Variants in RGSL1 observed in about 807,000 individuals in gnomAD.
The protein encoded by RGSL1 is regulator of G protein signaling protein-like.
A neutral mutation model predicts 124.7 loss-of-function variants in RGSL1; 97 were observed. The ratio of observed to expected loss-of-function variants is 0.78; its 90% CI spans 0.66 to 0.92. The LOEUF (loss-of-function observed/expected upper bound fraction) is 0.92, where lower values mean the gene tolerates loss of function less well. Among genes scored for constraint, RGSL1 ranks in the 40% least tolerant of loss-of-function variants. The pLI is 0.00. For missense variants in RGSL1, 1,233 were observed against 1,288.4 expected (o/e 0.96, Z 0.66); for synonymous variants, 424 against 438.1 (o/e 0.97, Z 0.40).
At chr1:182,496,314 G>A (rs1024479969) in intron 9 of RGSL1, among the ~76,000 whole-genome samples, 4 of 152,040 alleles carry the variant, frequency 2.6e-5, no homozygotes, top group African/African-American at 9.7e-5. Flanking sequence ...CTCCCACCAG[G>A]CCCCACCTCC....
intron 15 of RGSL1, among the ~76,000 whole-genome samples, chr1:182,541,183 G>A (rs771867319): frequency 2.6e-5 from 4 of 152,020 alleles, no homozygotes; most frequent in Non-Finnish European, 4.4e-5. Context: ...TGCACACTAG[G>A]TCTTACTTCT....
intron 12 of RGSL1, among the ~76,000 whole-genome samples, 196 bp downstream of exon 12, chr1:182,530,557 A>T (rs1287658572): frequency 1.3e-5 from 2 of 151,862 alleles, no homozygotes; most frequent in African/African-American, 4.8e-5. Context: ...ACACACACAC[A>T]CACACACATT....
chr1:182,489,158 G>C lies in RGSL1; in HGVS notation c.1673G>C (p.Gly558Ala), dbSNP rs1486105570. ...RKIATEDLKQ[G>A]GSLQVELTSP... ...ATAGCTACTGAGGACCTGAAGCAAG[G>C]AGGCTCTCTCCAGGTAGAGCTGACA... The change falls in exon 8 of 22, where the codon GGA becomes GCA. Residue 558 changes from glycine to alanine, a missense_variant. Gly to Ala is a moderately conservative substitution (Grantham distance 60, BLOSUM62 0). Transcript: ENST00000294854. 1.9e-6 allele frequency: 3 copies of C among 1,551,742 alleles called. No homozygotes were observed. The East Asian group carries it at 7.3e-5, about 38-fold the overall frequency.
At chr1:182,481,345 C>A (rs1379259873) in intron 6 of RGSL1, among the ~76,000 whole-genome samples, 1 of 152,018 alleles carries the variant, frequency 6.6e-6, no homozygotes, top group African/African-American at 2.4e-5. Flanking sequence ...GGACAACCTA[C>A]AAGAAATAAA....
intron 21 of RGSL1, among the ~76,000 whole-genome samples, chr1:182,559,712 T>G (rs772763557): frequency 2.0e-5 from 3 of 152,180 alleles, no homozygotes; most frequent in Non-Finnish European, 4.4e-5. Context: ...GTTTATCTTT[T>G]TCCTCTCTCT....
intron 9 of RGSL1, among the ~76,000 whole-genome samples, chr1:182,497,163 T>C (rs937061510): frequency 1.1e-4 from 17 of 151,920 alleles, no homozygotes; most frequent in Admixed American, 2.6e-4. Context: ...ATATATGCTG[T>C]CCATCCTACA....
At chr1:182,546,253 GTGTC>G (rs1275301849) in intron 15 of RGSL1, among the ~76,000 whole-genome samples, 7 of 152,078 alleles carry the variant, frequency 4.6e-5, no homozygotes, top group Non-Finnish European at 1.0e-4. Flanking sequence ...GGAACCTAAA[GTGTC>G]TGTCTACTGA....
chr1:182,519,584 A>G (rs1658173868), intron 9 of RGSL1, among the ~76,000 whole-genome samples: 1 of 152,012 alleles, frequency 6.6e-6, no homozygotes, highest in Non-Finnish European at 1.5e-5. Context: ...TGCTACTTGT[A>G]GCTTCAGAAC....
intron 4 of RGSL1, chr1:182,460,739 T>C (rs950218269): frequency 2.2e-6 from 1 of 455,830 alleles, no homozygotes; most frequent in Non-Finnish European, 4.4e-6. Context: ...ACAATTGTAC[T>C]GGCAGAATCT....
intron 9 of RGSL1, among the ~76,000 whole-genome samples, chr1:182,494,362 A>G (rs981058330): frequency 6.6e-6 from 1 of 152,216 alleles, no homozygotes; most frequent in African/African-American, 2.4e-5. Context: ...CCAGGAACTA[A>G]GATCTCTAGA....
intron 2 of RGSL1, among the ~76,000 whole-genome samples, chr1:182,458,057 G>A (rs182463653): frequency 5.0e-4 from 76 of 152,330 alleles, no homozygotes; most frequent in African/African-American, 1.8e-3. Context: ...CTCTCAGGTC[G>A]GCTCAGGCTC....
At chr1:182,548,624 G>C (rs1266862326) in intron 16 of RGSL1, 76 bp from the exon 17 acceptor site, 7 of 1,532,124 alleles carry the variant, frequency 4.6e-6, no homozygotes, top group Middle Eastern at 1.7e-4. Context: ...GTGGTCATGG[G>C]GTTCTGGGGG....
intron 6 of RGSL1, among the ~76,000 whole-genome samples, chr1:182,483,498 C>A (rs987993414): frequency 8.6e-5 from 13 of 151,758 alleles, no homozygotes; most frequent in African/African-American, 1.2e-4. Flanking sequence ...ATGTAAAATT[C>A]TCATAATGTA....
At chr1:182,529,704 C>T (rs1436276646) in intron 11 of RGSL1, among the ~76,000 whole-genome samples, 3 of 152,010 alleles carry the variant, frequency 2.0e-5, no homozygotes, top group African/African-American at 7.2e-5. Flanking sequence ...TATTTGTAAG[C>T]ATTATTTATT....
At chr1:182,554,563 GC>G in intron 19 of RGSL1, 63 bp from the exon 20 acceptor site, 1 of 1,411,260 alleles carries the variant, frequency 7.1e-7, no homozygotes, top group Non-Finnish European at 9.8e-7. Flanking sequence ...CAGGGTGGAG[GC>G]CTTTCAGTGA....
intron 13 of RGSL1, 55 bp downstream of exon 13, chr1:182,530,965 G>T: frequency 6.6e-7 from 1 of 1,511,644 alleles, no homozygotes; most frequent in South Asian, 1.3e-5. Flanking sequence ...CCATCGTCTT[G>T]GGGGTAGGTT....
chr1:182,551,258 G>A, intron 18 of RGSL1, 49 bp downstream of exon 18: 20 of 1,472,608 alleles, frequency 1.4e-5, no homozygotes, highest in Non-Finnish European at 1.8e-5. Context: ...ACCAAGACTT[G>A]TGAAGAGAAA....
chr1:182,489,866 A>C (rs1275963577), intron 8 of RGSL1, among the ~76,000 whole-genome samples: 1 of 152,242 alleles, frequency 6.6e-6, no homozygotes, highest in Admixed American at 6.5e-5. Context: ...AATGTTTGAC[A>C]ATCACTTAAG....
Position 182,556,252 on chromosome 1 carries a change from C to A in RGSL1, c.*165+30C>A, listed in dbSNP as rs147592177. 1.6e-5 allele frequency: 9 copies of A among 571,060 alleles called. No homozygotes were observed. The Admixed American group carries it at 3.0e-4, about 19-fold the overall frequency. The allele number at this position is 571,060 out of a possible 1,614,324, so 35.4% of individuals were successfully genotyped here. ...GACTTGGGCAGAGCATGAGAGGAAG[C>A]GCATCTTTCCACTACAGTGAGTTGG... On this transcript the variant is annotated intron_variant, in intron 21 of 21. Coordinates refer to ENST00000294854, the MANE Select transcript of RGSL1 (RefSeq NM_001137669.2).
Sources: gnomAD v4.1 joint callset for allele counts (sites outside exome capture counted in the v4.1 genomes callset) on GRCh38, gnomAD v4.1.1 for gene constraint, MANE v1.5 for transcripts, NCBI Gene and HGNC (gene_info 2026-07-23, HGNC 2026-07-21) for gene names.